SRFBP1: variants seen among roughly 807,000 people sequenced by gnomAD.
The protein encoded by SRFBP1 is serum response factor-binding protein 1.
SRFBP1 carries 47 observed loss-of-function variants against 45.5 expected under a neutral mutation model. The ratio of observed to expected loss-of-function variants is 1.03; its 90% CI spans 0.82 to 1.32. The LOEUF is 1.32. Among genes scored for constraint, SRFBP1 ranks in the 40% most tolerant of loss-of-function variants. The probability of loss-of-function intolerance (pLI) is 0.00; values close to 1 mark genes in which losing one functional copy is unlikely to be tolerated. For missense variants in SRFBP1, 621 were observed against 484.6 expected (o/e 1.28, Z -2.64); for synonymous variants, 203 against 166.3 (o/e 1.22, Z -1.70).
At chr5:122,041,067 G>A (rs752128258) in intron 2 of SRFBP1, among the ~76,000 whole-genome samples, 18 of 152,182 alleles carry the variant, frequency 1.2e-4, no homozygotes, top group Admixed American at 3.9e-4. Context: ...TTTGCTTTTC[G>A]AAAATATGCA....
At chr5:122,026,051 C>T (rs1753472526) in intron 7 of SRFBP1, among the ~76,000 whole-genome samples, 1 of 152,168 alleles carries the variant, frequency 6.6e-6, no homozygotes, top group Non-Finnish European at 1.5e-5. Context: ...GATCACGCCA[C>T]TGCTCTCCAT....
At chr5:122,022,676 A>T (rs1040021668) in intron 7 of SRFBP1, among the ~76,000 whole-genome samples, 1 of 152,168 alleles carries the variant, frequency 6.6e-6, no homozygotes, top group African/African-American at 2.4e-5. Context: ...CACTTTTTTT[A>T]AGTAAATTAT....
chr5:122,074,880 A>T (rs1754570806), intron 2 of SRFBP1, among the ~76,000 whole-genome samples: 1 of 152,232 alleles, frequency 6.6e-6, no homozygotes, highest in South Asian at 2.1e-4. Flanking sequence ...CAAGTTACTA[A>T]GGCAAATGAT....
chr5:122,018,115 GGAGTAGAGTATTCCA>G (rs1488611773), intron 4 of SRFBP1, among the ~76,000 whole-genome samples: 1 of 152,186 alleles, frequency 6.6e-6, no homozygotes, highest in Non-Finnish European at 1.5e-5. Flanking sequence ...TATATATTTG[GGAGTAGAGTATTCCA>G]GGTAAAGAAG....
intron 3 of SRFBP1, among the ~76,000 whole-genome samples, chr5:121,994,070 G>A (rs1381899282): frequency 2.0e-5 from 3 of 151,918 alleles, no homozygotes; most frequent in Admixed American, 6.6e-5. Context: ...TTTATTTCCC[G>A]ATTTTGTTCT....
Position 121,979,944 on chromosome 5 carries a change from C to A in SRFBP1, c.198+4557C>A, listed in dbSNP as rs569277263. Among the ~76,000 whole-genome samples, 5 of 152,286 alleles carry A rather than the reference C, an allele frequency of 3.3e-5. No homozygotes were observed. In the East Asian group the frequency reaches 9.6e-4, roughly 29 times the overall value. ...TATTGTAAGCATCCTTAACAAGGGA[C>A]AGCCTACTAAGAGCATTCTTCAGAT... On this transcript the variant is annotated intron_variant, in intron 3 of 7. Coordinates refer to ENST00000339397, the MANE Select transcript of SRFBP1 (RefSeq NM_152546.3).
At chr5:122,077,462 T>A, downstream of SRFBP1, 1 of 1,614,004 alleles carries the variant, frequency 6.2e-7, no homozygotes, top group Non-Finnish European at 8.5e-7. The surrounding 1 kb of genome is among the most constrained non-coding windows in gnomAD (Gnocchi z 4.9). Context: ...AGAGTACTTG[T>A]AGGGGTTGTA....
intron 2 of SRFBP1, among the ~76,000 whole-genome samples, chr5:122,036,691 A>G (rs563494041): frequency 3.3e-5 from 5 of 152,262 alleles, no homozygotes; most frequent in Admixed American, 2.0e-4. Context: ...GGTTGACAAC[A>G]TTAGTACATG....
At chr5:122,051,379 T>G (rs770279869) in intron 2 of SRFBP1, among the ~76,000 whole-genome samples, 2 of 152,002 alleles carry the variant, frequency 1.3e-5, no homozygotes, top group African/African-American at 2.4e-5. Flanking sequence ...CTACTATTGT[T>G]TGGGAATCTA....
Position 122,021,737 on chromosome 5 carries a change from T to G in SRFBP1, c.1068-633T>G, listed in dbSNP as rs186065210. Among the ~76,000 whole-genome samples the G allele has an allele frequency of 7.0e-3, 1,009 of 144,826 alleles. 9 individuals are homozygous for G. Among genetic ancestry groups the G allele is most frequent in the African/African-American group, 0.024 (928 of 38,474 alleles). On this transcript the variant is annotated intron_variant, in intron 6 of 7. Transcript: ENST00000339397. ...TATCACCCAGGCTGGAGTGCAGTGG[T>G]GTGATCTTGGCTCACTGTAACCTCT...
intron 2 of SRFBP1, among the ~76,000 whole-genome samples, chr5:122,040,422 A>C (rs1753756447): frequency 6.6e-6 from 1 of 152,204 alleles, no homozygotes; most frequent in African/African-American, 2.4e-5. Flanking sequence ...ACTTGTTTTG[A>C]AAGAAAGTCA....
At position 121,962,049 on chromosome 5, in the gene SRFBP1, C is replaced by G. The variant is rs1372849145; in HGVS notation, c.17C>G (p.Thr6Ser). ...TCATCTACCATGGCTCAGCCGGGAA[C>G]TCTGAACCTCAATAACGAGGTGAGC... MAQPG[T>S]LNLNNEVVKM... is the part of the protein sequence containing the mutation. Residue 6 changes from threonine (T) to serine (S), a missense_variant, in exon 1 of 8, where the codon ACT (threonine) becomes AGT (serine). Coordinates refer to ENST00000339397, the MANE Select transcript of SRFBP1 (RefSeq NM_152546.3). The G allele has an allele frequency of 6.2e-7, 1 of 1,614,008 alleles. No individual in the cohort carries two copies. Among genetic ancestry groups the G allele is most frequent in the Non-Finnish European group, 8.5e-7 (1 of 1,180,036 alleles).
At chr5:122,029,218 T>G (rs1753553391), downstream of SRFBP1, among the ~76,000 whole-genome samples, 1 of 152,112 alleles carries the variant, frequency 6.6e-6, no homozygotes, top group Non-Finnish European at 1.5e-5. Context: ...AAAAGAATTT[T>G]ATAGCCCAAA....
rs1753509120 is a variant in SRFBP1, at chr5:122,027,511, C to T, written c.*385C>T. 1 of 152,788 alleles carries T rather than the reference C, an allele frequency of 6.5e-6. No individual in the cohort carries two copies. The highest frequency in any genetic ancestry group is 6.5e-5 in the Admixed American group (1 of 15,296). 9.5% of individuals were successfully genotyped at this position (152,788 alleles called of 1,614,324 possible). A position where few individuals can be genotyped will look rare whatever the true frequency, so the allele number is the denominator to read the frequency against. On this transcript the variant is annotated 3_prime_UTR_variant, in exon 8 of 8. Transcript: ENST00000339397. Reference sequence around the variant, plus strand: ...TTAATAATATCCCTCAGACTGTTTCCCTTATGAAGTAATTTGGGGATTTTA... The same window carrying T: ...TTAATAATATCCCTCAGACTGTTTCTCTTATGAAGTAATTTGGGGATTTTA...
intron 2 of SRFBP1, among the ~76,000 whole-genome samples, chr5:122,049,833 C>G (rs564987787): frequency 6.6e-6 from 1 of 152,242 alleles, no homozygotes; most frequent in Admixed American, 6.5e-5. Context: ...CCAATGAGAA[C>G]AAGGACACAA....
intron 3 of SRFBP1, among the ~76,000 whole-genome samples, chr5:121,979,995 CAT>C (rs1561578838): frequency 6.6e-6 from 1 of 152,106 alleles, no homozygotes; most frequent in Non-Finnish European, 1.5e-5. Context: ...AACAAAAACT[CAT>C]TATCCTATCT....
In SRFBP1 at chr5:122,055,166, G is replaced by A. The variant is rs193234430; in HGVS notation, n.312-20149G>A. Among the ~76,000 whole-genome samples, 14 of 152,272 alleles carry A rather than the reference G, an allele frequency of 9.2e-5. No individual in the cohort carries two copies. In the East Asian group the frequency reaches 1.9e-3, roughly 21 times the overall value. Reference sequence around the variant, plus strand: ...CAAGTTTCTGGCAGATTTAGTGTCTGGTAAGGGCCCAGTCCTCACTCATGA... The same window carrying A: ...CAAGTTTCTGGCAGATTTAGTGTCTAGTAAGGGCCCAGTCCTCACTCATGA... On this transcript the variant is annotated intron_variant and non_coding_transcript_variant, in intron 2 of 2. Transcript: ENST00000504881.
chr5:122,051,128 A>G (rs1753965705), intron 2 of SRFBP1, among the ~76,000 whole-genome samples: 2 of 152,052 alleles, frequency 1.3e-5, no homozygotes, highest in Admixed American at 6.6e-5. Context: ...GGTTAGTATG[A>G]TTCTAGTCTT....
chr5:122,017,467 C>T (rs1013271083), intron 4 of SRFBP1, among the ~76,000 whole-genome samples: 1 of 152,142 alleles, frequency 6.6e-6, no homozygotes, highest in African/African-American at 2.4e-5. Context: ...ATAAGGAAAC[C>T]AGTCTTACTG....
Sources: allele counts gnomAD v4.1 joint callset (sites outside exome capture counted in the v4.1 genomes callset), GRCh38; gene constraint gnomAD v4.1.1; non-coding constraint Gnocchi (gnomAD v3.1); transcripts MANE v1.5; gene names NCBI Gene and HGNC (gene_info 2026-07-23, HGNC 2026-07-21).